Variants in KIAA0753 observed in about 807,000 individuals in gnomAD.
KIAA0753 encodes the protein protein moonraker.
Under a neutral mutation model 116.9 loss-of-function variants are expected in KIAA0753, and 114 were observed. That is an observed-to-expected ratio of 0.98 (90% CI 0.84 to 1.14). The LOEUF (loss-of-function observed/expected upper bound fraction) is 1.14, where lower values mean the gene tolerates loss of function less well. Among genes scored for constraint, KIAA0753 ranks in the 50% most tolerant of loss-of-function variants. KIAA0753 has a pLI of 0.00. For missense variants in KIAA0753, 1,156 were observed against 1,172.4 expected (o/e 0.99, Z 0.20); for synonymous variants, 405 against 413.1 (o/e 0.98, Z 0.24).
At chr17:6,609,659 T>C (rs917913919) in intron 9 of KIAA0753, among the ~76,000 whole-genome samples, 2 of 152,124 alleles carry the variant, frequency 1.3e-5, no homozygotes, top group Middle Eastern at 3.2e-3. Flanking sequence ...TAAAAAAGAA[T>C]ATAAAAAAGA....
chr17:6,609,136 C>A (rs138825285), intron 9 of KIAA0753, among the ~76,000 whole-genome samples: 1 of 152,294 alleles, frequency 6.6e-6, no homozygotes, highest in Non-Finnish European at 1.5e-5. Flanking sequence ...CACGGCCATT[C>A]CTTCACACTC....
intron 1 of KIAA0753, chr17:6,637,259 G>C (rs1198448457): frequency 6.6e-6 from 1 of 152,548 alleles, no homozygotes; most frequent in African/African-American, 2.4e-5. Flanking sequence ...ACAGCTGCAA[G>C]CACCCCCAGA....
Position 6,578,567 on chromosome 17 carries a change from T to C in KIAA0753, c.*1180A>G, listed in dbSNP as rs993469655. ...CACAAATAAGTGTGATCAAGCAGCT[T>C]AAATCACCTGAAATTCTTGTACTTC... On this transcript the variant is annotated 3_prime_UTR_variant, in exon 19 of 19. Transcript: ENST00000361413. 6.6e-6 allele frequency: 1 copy of C among 152,232 alleles called. No homozygotes were observed. The highest frequency in any genetic ancestry group is 3.2e-3 in the Middle Eastern group (1 of 316). 9.4% of individuals were successfully genotyped at this position (152,232 alleles called of 1,614,324 possible).
chr17:6,612,185 T>C (rs1970599439), intron 7 of KIAA0753, 37 bp from the exon 8 acceptor site: 5 of 1,468,544 alleles, frequency 3.4e-6, no homozygotes, highest in Admixed American at 1.8e-5. Context: ...CTGAGGAAAA[T>C]GCTATTCAAA....
chr17:6,628,801 A>G lies in KIAA0753; in HGVS notation c.94-60T>C, dbSNP rs1971848639. 13 of 1,487,964 alleles carry G rather than the reference A, an allele frequency of 8.7e-6. No homozygotes were observed. In the East Asian group the frequency reaches 2.5e-4, roughly 29 times the overall value. 92.2% of individuals were successfully genotyped at this position (1,487,964 alleles called of 1,614,324 possible). ...AAAAATTTCATATTGCACAGTTGGT[A>G]TATGTCTATAATCAAATTTCTAAAA... On this transcript the variant is annotated intron_variant, in intron 2 of 18. Transcript: ENST00000361413.
At chr17:6,620,604 C>T (rs1224596593) in intron 7 of KIAA0753, among the ~76,000 whole-genome samples, 184 bp downstream of exon 7, 1 of 152,144 alleles carries the variant, frequency 6.6e-6, no homozygotes, top group African/African-American at 2.4e-5. Context: ...CTTTCTCAAC[C>T]TTCCTCTATA....
intron 18 of KIAA0753, among the ~76,000 whole-genome samples, chr17:6,580,509 G>T (rs372558061): frequency 2.6e-5 from 4 of 151,916 alleles, no homozygotes; most frequent in African/African-American, 9.6e-5. Context: ...GTAGAGATGG[G>T]GTTTCACCAT....
chr17:6,594,896 C>G, intron 16 of KIAA0753, 76 bp downstream of exon 16: 1 of 1,108,014 alleles, frequency 9.0e-7, no homozygotes, highest in African/African-American at 1.6e-5. Context: ...GTTTACTATA[C>G]AATTTTTTCA....
chr17:6,612,077 C>A lies in KIAA0753; in HGVS notation c.1387G>T (p.Asp463Tyr). The change falls in exon 8 of 19, where the codon GAT becomes TAT. Residue 463 changes from aspartate to tyrosine, a missense_variant. Asp to Tyr is a radical substitution (Grantham distance 160, BLOSUM62 -3). Coordinates refer to ENST00000361413, the MANE Select transcript of KIAA0753 (RefSeq NM_014804.3). ...LQSELDVLDA[D>Y]IVLEEGPFIL... The stretch of plus-strand genomic sequence containing the variant: ...AATGGTCCTTCTTCCAGAACTATAT[C>A]CGCATCTAATACATCAAGCTCACTC... 1.9e-6 allele frequency: 3 copies of A among 1,614,178 alleles called. No homozygotes were observed. Among genetic ancestry groups the A allele is most frequent in the Non-Finnish European group, 2.5e-6 (3 of 1,179,994 alleles).
chr17:6,628,125 G>T lies in KIAA0753; in HGVS notation c.710C>A (p.Thr237Asn). Residue 237 changes from threonine to asparagine, a missense_variant, in exon 3 of 19, where the codon ACT becomes AAT. Transcript: ENST00000361413. ...AATCTAATTTTTCTCACCTTTTTTA[G>T]TTACCTCTTCAATTTTGTGGATACA... is the stretch of plus-strand genomic sequence containing the variant. ...SSCIHKIEEV[T>N]KKDRLEEALD... 1 of 1,604,842 alleles carries T rather than the reference G, an allele frequency of 6.2e-7. No individual in the cohort carries two copies. The highest frequency in any genetic ancestry group is 1.7e-4 in the Middle Eastern group (1 of 5,976).
At chr17:6,605,510 T>A (rs1421855013) in intron 12 of KIAA0753, among the ~76,000 whole-genome samples, 1 of 152,212 alleles carries the variant, frequency 6.6e-6, no homozygotes, top group Non-Finnish European at 1.5e-5. Context: ...GGATCCAGGC[T>A]CTGTTCAACC....
chr17:6,600,293 TA>T lies in KIAA0753; in HGVS notation c.2088+86del, dbSNP rs200851008. Reference sequence around the variant, plus strand: ...GATGCCACAGAGACACTTAGCCCTATAAAGGATCAATGAGACCTCTGCAGCA... The same window carrying T: ...GATGCCACAGAGACACTTAGCCCTATAAGGATCAATGAGACCTCTGCAGCA... On this transcript the variant is annotated intron_variant, in intron 13 of 18. Coordinates refer to ENST00000361413, the MANE Select transcript of KIAA0753 (RefSeq NM_014804.3). The T allele has an allele frequency of 4.8e-3, 4,796 of 1,003,482 alleles. 151 individuals are homozygous for T. The African/African-American group carries it at 0.068, about 14-fold the overall frequency. The allele number at this position is 1,003,482 out of a possible 1,614,324, so 62.2% of individuals were successfully genotyped here.
chr17:6,640,276 C>T (rs941342913), intron 1 of KIAA0753: 2 of 152,820 alleles, frequency 1.3e-5, no homozygotes, highest in Admixed American at 1.3e-4. Context: ...CTCTCCCCGG[C>T]GCAGCCTGGG....
At chr17:6,589,521 C>T (rs935348001) in intron 18 of KIAA0753, among the ~76,000 whole-genome samples, 2 of 151,580 alleles carry the variant, frequency 1.3e-5, no homozygotes, top group Admixed American at 6.6e-5. Context: ...TCTGTGATGA[C>T]AGCCTGAGCT....
chr17:6,592,279 G>A (rs796606961), intron 16 of KIAA0753, among the ~76,000 whole-genome samples: 5 of 152,246 alleles, frequency 3.3e-5, no homozygotes, highest in African/African-American at 4.8e-5. Flanking sequence ...TTTCTAACAC[G>A]ATACCTCCAA....
At chr17:6,591,040 G>GAA (rs1296592156) in intron 16 of KIAA0753, among the ~76,000 whole-genome samples, 1 of 99,994 alleles carries the variant, frequency 1.0e-5, no homozygotes, top group African/African-American at 3.9e-5. Context: ...GAAGGAAGAA[G>GAA]GAAGAAGAAG....
chr17:6,622,925 G>A lies in KIAA0753; in HGVS notation c.1061C>T (p.Pro354Leu). The change falls in exon 6 of 19, where the codon CCT (proline) becomes CTT (leucine). Residue 354 changes from proline to leucine, a missense_variant. Physicochemically the swap from Pro to Leu is moderately conservative, Grantham distance 98. Coordinates refer to ENST00000361413, the MANE Select transcript of KIAA0753 (RefSeq NM_014804.3). ...ATCTATAACCACATCAGGAACAGAAGGGTCTGCATCCAGCTTGACAGAACA... is the reference window on the plus strand; with the variant it reads ...ATCTATAACCACATCAGGAACAGAAAGGTCTGCATCCAGCTTGACAGAACA... ...SLCSVKLDAD[P>L]SVPDVVIDIL... 1 of 1,614,154 alleles carries A rather than the reference G, an allele frequency of 6.2e-7. No individual in the cohort carries two copies. Among genetic ancestry groups the A allele is most frequent in the African/African-American group, 1.3e-5 (1 of 75,042 alleles).
intron 12 of KIAA0753, 25 bp downstream of exon 12, chr17:6,606,848 T>C (rs528355354): frequency 2.5e-6 from 4 of 1,596,540 alleles, no homozygotes; most frequent in Non-Finnish European, 3.4e-6. Flanking sequence ...ACATCCACTA[T>C]TCTTCCTAAG....
At chr17:6,607,416 C>A in intron 10 of KIAA0753, 146 bp from the exon 11 acceptor site, 1 of 622,120 alleles carries the variant, frequency 1.6e-6, no homozygotes, top group South Asian at 2.0e-5. Flanking sequence ...AACATAATCT[C>A]TCCGTACCCC....
Sources: gnomAD v4.1 joint callset for allele counts (sites outside exome capture counted in the v4.1 genomes callset) on GRCh38, gnomAD v4.1.1 for gene constraint, MANE v1.5 for transcripts, NCBI Gene and HGNC (gene_info 2026-07-23, HGNC 2026-07-21) for gene names.